The following PCDHA6 variants were observed in gnomAD, a reference collection of about 807,000 sequenced individuals.
The protein encoded by PCDHA6 is protocadherin alpha-6.
PCDHA6 carries 55 observed loss-of-function variants against 60.3 expected under a neutral mutation model. The ratio of observed to expected loss-of-function variants is 0.91; its 90% CI spans 0.73 to 1.14. The LOEUF (loss-of-function observed/expected upper bound fraction) is 1.14, where lower values mean the gene tolerates loss of function less well. PCDHA6 is among the 50% of genes most tolerant of loss of function. The pLI, the probability that PCDHA6 is intolerant of heterozygous loss-of-function variation, is 0.00. For missense variants in PCDHA6, 1,327 were observed against 1,256.5 expected (o/e 1.06, Z -0.85); for synonymous variants, 652 against 557.9 (o/e 1.17, Z -2.38).
At chr5:140,936,875 C>A (rs1052156307) in intron 1 of PCDHA6, among the ~76,000 whole-genome samples, 1 of 151,950 alleles carries the variant, frequency 6.6e-6, no homozygotes, top group South Asian at 2.1e-4. Context: ...TTTAAAAAAC[C>A]CTGCTTTGAT....
chr5:140,849,548 T>C, intron 1 of PCDHA6: 1 of 1,598,372 alleles, frequency 6.3e-7, no homozygotes, highest in Non-Finnish European at 8.6e-7. Flanking sequence ...CACAGTTGAC[T>C]ATCAAAACGC....
At chr5:140,923,020 G>A (rs946669637) in intron 1 of PCDHA6, among the ~76,000 whole-genome samples, 6 of 152,228 alleles carry the variant, frequency 3.9e-5, no homozygotes, top group Admixed American at 1.3e-4. Context: ...CTGCAGTTTC[G>A]GACTCTATTA....
At chr5:140,836,560 C>T (rs2150264075) in intron 1 of PCDHA6, 2 of 1,613,740 alleles carry the variant, frequency 1.2e-6, no homozygotes, top group South Asian at 1.1e-5. Flanking sequence ...TGCTCAGCGC[C>T]GTCCTCTGAG....
Position 141,011,124 on chromosome 5 carries a change from G to A in PCDHA6, c.*1187G>A, listed in dbSNP as rs893951024. ...TCTCTCTTTTCTAAGAAACAATTAT[G>A]TGCACTTTGATACACAACCTTCTCT... On this transcript the variant is annotated 3_prime_UTR_variant, in exon 4 of 4. Transcript: ENST00000529310. 1 of 153,618 alleles carries A rather than the reference G, an allele frequency of 6.5e-6. No individual in the cohort carries two copies. The highest frequency in any genetic ancestry group is 2.4e-5 in the African/African-American group (1 of 41,382). 9.5% of individuals were successfully genotyped at this position (153,618 alleles called of 1,614,324 possible).
At chr5:140,886,742 C>T (rs2061110620) in intron 1 of PCDHA6, among the ~76,000 whole-genome samples, 1 of 149,008 alleles carries the variant, frequency 6.7e-6, no homozygotes, top group Non-Finnish European at 1.5e-5. Flanking sequence ...AAGAGAATTG[C>T]TTGAACCCGG....
intron 1 of PCDHA6, chr5:140,860,894 C>A (rs1220238688): frequency 1.3e-5 from 2 of 152,314 alleles, no homozygotes; most frequent in African/African-American, 2.4e-5. Context: ...CCCGCCAACA[C>A]GCCAGGCTAA....
At chr5:140,863,422 G>A (rs782158453) in intron 1 of PCDHA6, 1 of 689,156 alleles carries the variant, frequency 1.5e-6, no homozygotes, top group South Asian at 1.3e-5. Flanking sequence ...GTACCGCAGC[G>A]TAGTGGGATC....
At chr5:140,928,508 T>G in intron 1 of PCDHA6, 1 of 1,614,174 alleles carries the variant, frequency 6.2e-7, no homozygotes, top group Non-Finnish European at 8.5e-7. Flanking sequence ...AGTGCAACAG[T>G]GACTATAAAC....
rs142471747 is a variant in PCDHA6 at position 140,940,002 on chromosome 5, C to T, written c.2395-38947C>T. On this transcript the variant is annotated intron_variant, in intron 1 of 3. Transcript: ENST00000529310. ...TGAATTGTTTCTCCTTGGATTTTGT[C>T]AATTTTTTGTGTCATATGTTTTAAG... Among the ~76,000 whole-genome samples the T allele has an allele frequency of 5.4e-3, 828 of 152,138 alleles. 3 individuals carry two copies. The highest frequency in any genetic ancestry group is 0.019 in the African/African-American group (797 of 41,516).
intron 1 of PCDHA6, chr5:140,850,726 CG>C: frequency 6.3e-7 from 1 of 1,597,804 alleles, no homozygotes; most frequent in Non-Finnish European, 8.6e-7. Context: ...TGTTCTAGCG[CG>C]GTGGGGAGTT....
intron 1 of PCDHA6, chr5:140,841,399 G>A: frequency 6.2e-7 from 1 of 1,613,120 alleles, no homozygotes; most frequent in Non-Finnish European, 8.5e-7. Context: ...CCTGGAAGGT[G>A]GGGAGCGGCC....
intron 1 of PCDHA6, chr5:140,927,030 A>T: frequency 6.2e-7 from 1 of 1,612,410 alleles, no homozygotes; most frequent in Non-Finnish European, 8.5e-7. Flanking sequence ...TGAGGCTGCC[A>T]GCGGCCGCTA....
intron 1 of PCDHA6, among the ~76,000 whole-genome samples, chr5:140,839,729 A>G (rs1554137556): frequency 6.6e-6 from 1 of 152,080 alleles, no homozygotes; most frequent in Non-Finnish European, 1.5e-5. Flanking sequence ...CATTTCACAG[A>G]AAATACCCTT....
Position 140,828,250 on chromosome 5 carries a change from G to T in PCDHA6, c.159G>T (p.Gly53=). ...TGGGCCGGATCGCGCAGGACCTGGG[G>T]CTGGAGCTGGCGGAGCTGGTGCCGC... ...TFVGRIAQDL[G]LELAELVPRL... The change falls in exon 1 of 4, where the codon GGG becomes GGT. Residue 53 remains glycine, a synonymous_variant. Coordinates refer to ENST00000529310, the MANE Select transcript of PCDHA6 (RefSeq NM_018909.4). The T allele has an allele frequency of 3.1e-6, 5 of 1,613,982 alleles. No individual in the cohort carries two copies. The highest frequency in any genetic ancestry group is 4.2e-6 in the Non-Finnish European group (5 of 1,180,046).
chr5:140,916,717 T>C (rs781839792), intron 1 of PCDHA6, among the ~76,000 whole-genome samples: 1 of 151,908 alleles, frequency 6.6e-6, no homozygotes, highest in South Asian at 2.1e-4. Flanking sequence ...AAGGAAGGAG[T>C]GACTTTTGTT....
chr5:140,953,778 A>G (rs782648195), intron 1 of PCDHA6, among the ~76,000 whole-genome samples: 1 of 151,986 alleles, frequency 6.6e-6, no homozygotes, highest in Non-Finnish European at 1.5e-5. Flanking sequence ...ATATTTATTT[A>G]TTTTTTTCTT....
intron 1 of PCDHA6, among the ~76,000 whole-genome samples, chr5:140,969,910 A>G (rs1364534841): frequency 9.9e-5 from 15 of 152,216 alleles, no homozygotes; most frequent in African/African-American, 3.6e-4. Context: ...GTCACAAGTG[A>G]TAAAGCTGTA....
rs550197512 is a variant in PCDHA6, at chr5:140,883,885, C to G, written c.2394+53400C>G. On this transcript the variant is annotated intron_variant, in intron 1 of 3. Coordinates refer to ENST00000529310, the MANE Select transcript of PCDHA6 (RefSeq NM_018909.4). ...TGCAGTTCCAGGTGAGCGCGCGCGA[C>G]TCTGGCGTGCCGCCTCTGGGCAGCA... The G allele has an allele frequency of 6.1e-5, 99 of 1,613,382 alleles. No homozygotes were observed. Among genetic ancestry groups the G allele is most frequent in the East Asian group, 1.6e-4 (7 of 44,866 alleles).
chr5:140,837,564 A>G, intron 1 of PCDHA6, among the ~76,000 whole-genome samples: 1 of 152,062 alleles, frequency 6.6e-6, no homozygotes, highest in South Asian at 2.1e-4. Context: ...ATATAAATAT[A>G]TTTACAATCA....
Sources: allele counts gnomAD v4.1 joint callset (sites outside exome capture counted in the v4.1 genomes callset), GRCh38; gene constraint gnomAD v4.1.1; transcripts MANE v1.5; gene names NCBI Gene and HGNC (gene_info 2026-07-23, HGNC 2026-07-21).